The following ZMYND12 variants were observed in gnomAD, a reference collection of about 807,000 sequenced individuals.
The protein encoded by ZMYND12 is zinc finger MYND-type containing 12.
In ZMYND12, 32 loss-of-function variants were observed where a neutral mutation model predicts 41.7. That is an observed-to-expected ratio of 0.77 (90% CI 0.58 to 1.03). The LOEUF (loss-of-function observed/expected upper bound fraction) is 1.03, where lower values mean the gene tolerates loss of function less well. ZMYND12 is among the 50% of genes least tolerant of loss of function. The pLI, the probability that ZMYND12 is intolerant of heterozygous loss-of-function variation, is 0.00. For synonymous variants in ZMYND12, 148 were observed against 164.8 expected, an observed-to-expected ratio of 0.90 and a Z score of 0.78; for missense variants, 424 against 438.5, an observed-to-expected ratio of 0.97 and a Z score of 0.30.
chr1:42,432,195 T>C (rs940155899), intron 7 of ZMYND12, among the ~76,000 whole-genome samples: 1 of 151,956 alleles, frequency 6.6e-6, no homozygotes, highest in African/African-American at 2.4e-5. Flanking sequence ...TGGCTGGGAC[T>C]ACATGTGCAC....
rs754007687 is a variant in ZMYND12 at position 42,455,984 on chromosome 1, T to C, written c.14A>G (p.Tyr5Cys). Residue 5 changes from tyrosine to cysteine, a missense_variant, in exon 1 of 8, where the codon TAC becomes TGC. Transcript: ENST00000372565. MNVI[Y>C]PLAVPKGRRL... is the part of the protein sequence containing the mutation. ...GCGCCCCTTGGGGACTGCCAGTGGG[T>C]AGATCACATTCATGGTGCAGCCAGC... is the stretch of plus-strand genomic sequence containing the variant. 28 of 1,612,408 alleles carry C rather than the reference T, an allele frequency of 1.7e-5. No individual in the cohort carries two copies. The highest frequency in any genetic ancestry group is 3.3e-4 in the Middle Eastern group (2 of 6,062).
intron 4 of ZMYND12, among the ~76,000 whole-genome samples, chr1:42,437,917 C>A (rs1642925665): frequency 6.6e-6 from 1 of 152,180 alleles, no homozygotes; most frequent in African/African-American, 2.4e-5. Context: ...CTCTGGTGAT[C>A]CGCCCATCTC....
Position 42,440,107 on chromosome 1 carries a change from C to G in ZMYND12, c.425-82G>C, listed in dbSNP as rs1642953397. The G allele has an allele frequency of 2.2e-6, 3 of 1,388,924 alleles. No homozygotes were observed. The East Asian group carries it at 7.3e-5, about 34-fold the overall frequency. 86.0% of individuals were successfully genotyped at this position (1,388,924 alleles called of 1,614,324 possible). On this transcript the variant is annotated intron_variant, in intron 3 of 7. Transcript: ENST00000372565. ...GGAAATATGAGTCATTACCCATTCA[C>G]TCATGTATTCATTGACTCAAGTATT...
Position 42,436,480 on chromosome 1 carries a change from G to A in ZMYND12, c.658C>T (p.Leu220=). Residue 220 remains leucine (L), a synonymous_variant, in exon 5 of 8, where the codon CTG becomes TTG. Coordinates refer to ENST00000372565, the MANE Select transcript of ZMYND12 (RefSeq NM_032257.5). ...TTAAGGTCATAGAATATATTAGCCA[G>A]GTGGAAGTAGCCTCCTGAAGTCCTA... is the stretch of plus-strand genomic sequence containing the variant. ...DIRTSGGYFH[L]ANIFYDLKKL... 16 of 1,613,800 alleles carry A rather than the reference G, an allele frequency of 9.9e-6. No homozygotes were observed. Among genetic ancestry groups the A allele is most frequent in the Non-Finnish European group, 1.4e-5 (16 of 1,179,738 alleles).
intron 4 of ZMYND12, 129 bp from the exon 5 acceptor site, chr1:42,436,672 T>C: frequency 9.3e-7 from 1 of 1,078,582 alleles, no homozygotes; most frequent in Non-Finnish European, 1.3e-6. Context: ...GCAAAAGATC[T>C]GAATTGACAT....
chr1:42,435,223 A>G (rs1349778864), intron 6 of ZMYND12, 51 bp downstream of exon 6: 1 of 1,370,798 alleles, frequency 7.3e-7, no homozygotes, highest in African/African-American at 1.4e-5. Context: ...AGGTCTGTGT[A>G]TTGGGTGAGA....
At chr1:42,449,839 T>C in intron 2 of ZMYND12, 79 bp downstream of exon 2, 2 of 1,563,860 alleles carry the variant, frequency 1.3e-6, no homozygotes, top group Non-Finnish European at 1.7e-6. Context: ...AATTTAGTGA[T>C]CCCAACACAG....
chr1:42,446,365 A>G (rs769125057), intron 3 of ZMYND12, among the ~76,000 whole-genome samples: 1 of 152,212 alleles, frequency 6.6e-6, no homozygotes, highest in African/African-American at 2.4e-5. Flanking sequence ...TGATGTAGAT[A>G]TATAGATACA....
intron 6 of ZMYND12, 22 bp from the exon 7 acceptor site, chr1:42,433,310 GA>G (rs1353600764): frequency 2.5e-6 from 4 of 1,584,666 alleles, no homozygotes; most frequent in Non-Finnish European, 3.4e-6. Context: ...GGGGAAGAAA[GA>G]AAAAACAGGC....
At position 42,433,258 on chromosome 1, in the gene ZMYND12, A is replaced by T; in HGVS notation, c.860T>A (p.Ile287Asn). 6.2e-7 allele frequency: 1 copy of T among 1,609,132 alleles called. No homozygotes were observed. Among genetic ancestry groups the T allele is most frequent in the South Asian group, 1.1e-5 (1 of 89,558 alleles). ...TCGAATGTTCAAGATTGAAGTCAGG[A>T]TGCGAATGGCTTCTGCTTCTTGGGC... ...DEAQEAEAIRILTSILNIRES... is the reference protein window; with the variant it reads ...DEAQEAEAIRNLTSILNIRES... The change falls in exon 7 of 8, where the codon ATC becomes AAC. Residue 287 changes from isoleucine to asparagine, a missense_variant. Ile to Asn is a moderately radical substitution (Grantham distance 149). Coordinates refer to ENST00000372565, the MANE Select transcript of ZMYND12 (RefSeq NM_032257.5).
Position 42,430,866 on chromosome 1 carries a change from A to G in ZMYND12, c.976-8T>C, listed in dbSNP as rs776648621. ...CATGCCATATTCCTGTGCCTGAAAT[A>G]GAATTGCAGTGACAAAAGGAAGTTG... On this transcript the variant is annotated splice_region_variant and splice_polypyrimidine_tract_variant and intron_variant, in intron 7 of 7. Transcript: ENST00000372565. 2 of 1,613,976 alleles carry G rather than the reference A, an allele frequency of 1.2e-6. No individual in the cohort carries two copies. The highest frequency in any genetic ancestry group is 4.5e-5 in the East Asian group (2 of 44,866).
At chr1:42,446,395 T>G (rs1572318) in intron 3 of ZMYND12, among the ~76,000 whole-genome samples, 1 of 151,840 alleles carries the variant, frequency 6.6e-6, no homozygotes, top group East Asian at 1.9e-4. Flanking sequence ...CGGTGGCTCA[T>G]ACCTGTAATC....
rs770314370 is a variant in ZMYND12 at position 42,448,453 on chromosome 1, T to C, written c.424+14A>G. 57 of 1,569,310 alleles carry C rather than the reference T, an allele frequency of 3.6e-5. No homozygotes were observed. The highest frequency in any genetic ancestry group is 4.8e-5 in the Non-Finnish European group (56 of 1,156,482). ...ACTTAAGGGATCCAAGGATCTCAAG[T>C]CGGTTTCACTCACCAAGGCTGGCCT... On this transcript the variant is annotated intron_variant, in intron 3 of 7. Coordinates refer to ENST00000372565, the MANE Select transcript of ZMYND12 (RefSeq NM_032257.5).
At chr1:42,433,737 G>A (rs1280367542) in intron 6 of ZMYND12, among the ~76,000 whole-genome samples, 4 of 152,134 alleles carry the variant, frequency 2.6e-5, no homozygotes, top group South Asian at 2.1e-4. Context: ...AACTCTTCTC[G>A]TCTAGGCCAT....
rs193171152 is a variant in ZMYND12, at chr1:42,437,874, C to T, written c.595-1331G>A. ...TTTTGTATATTTAGACGGGGTTTCA[C>T]CATGTTAGTCAGGCTGATCTAGAAC... On this transcript the variant is annotated intron_variant, in intron 4 of 7. Transcript: ENST00000372565. Among the ~76,000 whole-genome samples, 372 of 152,294 alleles carry T rather than the reference C, an allele frequency of 2.4e-3. 1 individual carries two copies. Among genetic ancestry groups the T allele is most frequent in the Non-Finnish European group, 4.4e-3 (301 of 68,022 alleles).
intron 3 of ZMYND12, among the ~76,000 whole-genome samples, chr1:42,441,420 C>T (rs566965388): frequency 5.3e-5 from 8 of 152,168 alleles, no homozygotes; most frequent in Non-Finnish European, 1.2e-4. Context: ...GCTCAAGGCT[C>T]TAATATAAAG....
chr1:42,445,308 C>T (rs1259461845), intron 3 of ZMYND12, among the ~76,000 whole-genome samples: 1 of 151,654 alleles, frequency 6.6e-6, no homozygotes, highest in Non-Finnish European at 1.5e-5. Flanking sequence ...TGGTGCGTGC[C>T]TGTAGTCCTA....
intron 1 of ZMYND12, among the ~76,000 whole-genome samples, chr1:42,453,019 T>C (rs1643098968): frequency 6.6e-6 from 1 of 151,356 alleles, no homozygotes; most frequent in Non-Finnish European, 1.5e-5. Context: ...CAGACTGACT[T>C]TCTTGTTCCT....
At chr1:42,439,763 C>T (rs1642948588) in intron 4 of ZMYND12, 93 bp downstream of exon 4, 1 of 1,316,384 alleles carries the variant, frequency 7.6e-7, no homozygotes, top group Non-Finnish European at 1.0e-6. Context: ...GAGAAATGCA[C>T]AGTTTTAAAA....
Sources: gnomAD v4.1 joint callset for allele counts (sites outside exome capture counted in the v4.1 genomes callset) on GRCh38, gnomAD v4.1.1 for gene constraint, MANE v1.5 for transcripts, NCBI Gene and HGNC (gene_info 2026-07-23, HGNC 2026-07-21) for gene names.